Variants in DAPP1 observed in about 807,000 individuals in gnomAD.
The protein encoded by DAPP1 is dual adapter for phosphotyrosine and 3-phosphotyrosine and 3-phosphoinositide.
Under a neutral mutation model 41.5 loss-of-function variants are expected in DAPP1, and 20 were observed. That is an observed-to-expected ratio of 0.48 (90% confidence interval 0.34 to 0.70). The LOEUF (loss-of-function observed/expected upper bound fraction) is 0.70, where lower values mean the gene tolerates loss of function less well. DAPP1 is among the 30% of genes least tolerant of loss of function. DAPP1 has a pLI of 0.01. For missense variants in DAPP1, 233 were observed against 333.4 expected, an observed-to-expected ratio of 0.70 and a Z score of 2.35; for synonymous variants, 113 against 116.2, an observed-to-expected ratio of 0.97 and a Z score of 0.18.
chr4:99,837,019 C>T (rs937129714), intron 2 of DAPP1, among the ~76,000 whole-genome samples: 5 of 152,198 alleles, frequency 3.3e-5, no homozygotes, highest in African/African-American at 4.8e-5. Context: ...AACTCCTAGA[C>T]GCCACCCACA....
chr4:99,829,377 G>A (rs1358931523), intron 1 of DAPP1, among the ~76,000 whole-genome samples: 1 of 152,038 alleles, frequency 6.6e-6, no homozygotes, highest in Non-Finnish European at 1.5e-5. Context: ...CTACTCAGAA[G>A]GCTGAGGCAG....
At chr4:99,829,399 GA>G (rs946315069) in intron 1 of DAPP1, among the ~76,000 whole-genome samples, 2 of 151,920 alleles carry the variant, frequency 1.3e-5, no homozygotes, top group Non-Finnish European at 2.9e-5. Context: ...AGAATTGCTT[GA>G]ACCCGGGAGG....
intron 1 of DAPP1, among the ~76,000 whole-genome samples, chr4:99,828,538 G>C (rs79138034): frequency 0.011 from 1,745 of 152,252 alleles, 41 homozygotes; most frequent in African/African-American, 0.039. Context: ...AACCCAGTGG[G>C]ATAAGAAACT....
At chr4:99,840,779 T>C (rs1723469030) in intron 3 of DAPP1, among the ~76,000 whole-genome samples, 1 of 152,212 alleles carries the variant, frequency 6.6e-6, no homozygotes, top group Admixed American at 6.5e-5. Flanking sequence ...AAACTAAAAT[T>C]CCCACTTAAA....
chr4:99,870,958 G>A (rs901980519), downstream of DAPP1, among the ~76,000 whole-genome samples: 4 of 152,078 alleles, frequency 2.6e-5, no homozygotes, highest in African/African-American at 9.7e-5. Context: ...CTTAAAATGA[G>A]CTTATTGGAA....
chr4:99,860,109 T>C (rs1306626717), intron 4 of DAPP1, among the ~76,000 whole-genome samples: 1 of 152,254 alleles, frequency 6.6e-6, no homozygotes, highest in Non-Finnish European at 1.5e-5. Flanking sequence ...ATAAACAGCT[T>C]TTCTGTTACA....
intron 3 of DAPP1, among the ~76,000 whole-genome samples, chr4:99,851,894 A>T (rs1343373410): frequency 6.6e-6 from 1 of 151,428 alleles, no homozygotes; most frequent in African/African-American, 2.4e-5. Flanking sequence ...GTGTTTTTTA[A>T]CCACAGAGGA....
At chr4:99,855,634 T>C (rs1360604350) in intron 4 of DAPP1, among the ~76,000 whole-genome samples, 2 of 152,218 alleles carry the variant, frequency 1.3e-5, no homozygotes, top group African/African-American at 4.8e-5. Context: ...AATGTAAAGG[T>C]TTCCTAGAGG....
chr4:99,839,007 C>A (rs1003721208), intron 2 of DAPP1, among the ~76,000 whole-genome samples: 2 of 152,106 alleles, frequency 1.3e-5, no homozygotes, highest in African/African-American at 4.8e-5. Context: ...AAGAGAAAGA[C>A]CGTTTCAGGA....
At chr4:99,822,196 A>G (rs576125310) in intron 1 of DAPP1, among the ~76,000 whole-genome samples, 1 of 152,338 alleles carries the variant, frequency 6.6e-6, no homozygotes, top group Non-Finnish European at 1.5e-5. Context: ...CCTTCTACTT[A>G]CAAGTGGAAA....
intron 4 of DAPP1, among the ~76,000 whole-genome samples, chr4:99,854,702 AT>A (rs1723984976): frequency 6.6e-6 from 1 of 152,026 alleles, no homozygotes; most frequent in African/African-American, 2.4e-5. Flanking sequence ...TGCCAACACC[AT>A]TGCTATCTAC....
At chr4:99,840,180 C>A in intron 2 of DAPP1, 109 bp from the exon 3 acceptor site, 1 of 674,976 alleles carries the variant, frequency 1.5e-6, no homozygotes, top group Non-Finnish European at 2.2e-6. Flanking sequence ...TTGCCTAATT[C>A]TCAGTTCTTA....
chr4:99,828,354 G>A (rs58534089), intron 1 of DAPP1, among the ~76,000 whole-genome samples: 41,477 of 152,098 alleles, frequency 0.27, 6,020 homozygotes, highest in African/African-American at 0.37. Flanking sequence ...TAGGTGTTAC[G>A]TCCTGTAACT....
At chr4:99,829,942 C>T (rs184461067) in intron 1 of DAPP1, among the ~76,000 whole-genome samples, 20 of 152,096 alleles carry the variant, frequency 1.3e-4, no homozygotes, top group East Asian at 3.9e-4. Flanking sequence ...TTGTAATTTG[C>T]GATTTCTCAT....
chr4:99,868,008 A>T, intron 8 of DAPP1, 109 bp from the exon 9 acceptor site: 1 of 961,914 alleles, frequency 1.0e-6, no homozygotes, highest in Non-Finnish European at 1.7e-6. Context: ...ATTAACTTAG[A>T]GTTGTATGAC....
intron 1 of DAPP1, among the ~76,000 whole-genome samples, chr4:99,826,139 T>C (rs1722928874): frequency 6.6e-6 from 1 of 152,210 alleles, no homozygotes; most frequent in Non-Finnish European, 1.5e-5. Flanking sequence ...ATCACTGTTG[T>C]GTTCAGAAAG....
downstream of DAPP1, among the ~76,000 whole-genome samples, chr4:99,872,042 A>T (rs1724638034): frequency 6.6e-6 from 1 of 152,250 alleles, no homozygotes; most frequent in African/African-American, 2.4e-5. Context: ...GCAAGAACAA[A>T]GAAAAAAAAA....
downstream of DAPP1, among the ~76,000 whole-genome samples, chr4:99,870,900 T>G (rs1724614124): frequency 6.6e-6 from 1 of 152,172 alleles, no homozygotes; most frequent in African/African-American, 2.4e-5. Context: ...AACTTCACAA[T>G]GGGTCTATTG....
chr4:99,829,599 C>T (rs1365191508), intron 1 of DAPP1, among the ~76,000 whole-genome samples: 3 of 152,238 alleles, frequency 2.0e-5, no homozygotes. Context: ...ATTGTTGGAG[C>T]AGATAGACTA....
Sources: allele counts gnomAD v4.1 joint callset (sites outside exome capture counted in the v4.1 genomes callset), GRCh38; gene constraint gnomAD v4.1.1; transcripts MANE v1.5; gene names NCBI Gene and HGNC (gene_info 2026-07-23, HGNC 2026-07-21).